The following RARB variants were observed in gnomAD, a reference collection of about 807,000 sequenced individuals.
The protein encoded by RARB is retinoic acid receptor beta.
A neutral mutation model predicts 51.9 loss-of-function variants in RARB; 17 were observed. The ratio of observed to expected loss-of-function variants is 0.33; its 90% confidence interval spans 0.22 to 0.49. The LOEUF (loss-of-function observed/expected upper bound fraction) is 0.49. RARB is among the 20% of genes least tolerant of loss of function. RARB has a pLI of 0.99. For missense variants in RARB, 369 were observed against 550.8 expected (o/e 0.67, Z 3.30); for synonymous variants, 215 against 195.4 (o/e 1.10, Z -0.84).
chr3:25,559,409 A>G (rs1045735675), intron 3 of RARB, among the ~76,000 whole-genome samples: 4 of 152,176 alleles, frequency 2.6e-5, no homozygotes, highest in East Asian at 1.9e-4. Flanking sequence ...TCTCAGTACC[A>G]TCTTACAACC....
At chr3:25,391,972 A>G (rs1706973241) in intron 5 of RARB, among the ~76,000 whole-genome samples, 1 of 152,186 alleles carries the variant, frequency 6.6e-6, no homozygotes, top group African/African-American at 2.4e-5. Context: ...GCCTAAGCCA[A>G]TGTCTAGAAT....
chr3:24,914,692 G>A (rs375549857), intron 2 of RARB, among the ~76,000 whole-genome samples: 2 of 152,060 alleles, frequency 1.3e-5, no homozygotes, highest in Admixed American at 6.5e-5. Flanking sequence ...ACACTGTATT[G>A]TTTATGGAAT....
chr3:25,121,864 G>T (rs1699789728), intron 3 of RARB, among the ~76,000 whole-genome samples: 2 of 152,148 alleles, frequency 1.3e-5, no homozygotes, highest in Admixed American at 6.5e-5. Flanking sequence ...GAGGTTCATT[G>T]AGCTTTTTGG....
At chr3:25,551,549 G>C (rs958826769) in intron 3 of RARB, among the ~76,000 whole-genome samples, 3 of 152,198 alleles carry the variant, frequency 2.0e-5, no homozygotes, top group African/African-American at 7.2e-5. Context: ...AGCAGCTAAA[G>C]AGTCCATTTT....
chr3:24,949,507 T>A (rs1695845057), intron 2 of RARB, among the ~76,000 whole-genome samples: 1 of 152,226 alleles, frequency 6.6e-6, no homozygotes, highest in Non-Finnish European at 1.5e-5. Context: ...GATTTCACAT[T>A]TACGTTTTTA....
At chr3:25,022,434 T>C (rs1198426764) in intron 2 of RARB, among the ~76,000 whole-genome samples, 1 of 152,218 alleles carries the variant, frequency 6.6e-6, no homozygotes, top group Non-Finnish European at 1.5e-5. Flanking sequence ...TTTATATGCA[T>C]ATTTTATCAC....
intron 5 of RARB, among the ~76,000 whole-genome samples, chr3:25,205,841 C>G (rs747736103): frequency 5.9e-5 from 9 of 151,936 alleles, no homozygotes; most frequent in Non-Finnish European, 1.3e-4. Context: ...CTCCTGGGCT[C>G]AAATGATCCT....
chr3:25,233,604 C>A (rs1033430573), intron 5 of RARB, among the ~76,000 whole-genome samples: 1 of 152,054 alleles, frequency 6.6e-6, no homozygotes, highest in African/African-American at 2.4e-5. Flanking sequence ...AACAGACATA[C>A]TTGTCCTGTT....
intron 5 of RARB, among the ~76,000 whole-genome samples, chr3:25,377,744 C>T (rs972416221): frequency 6.6e-6 from 1 of 152,102 alleles, no homozygotes; most frequent in Admixed American, 6.5e-5. Context: ...GTTTGAGTTA[C>T]CCGTGAGAGA....
chr3:25,499,436 G>T (rs890071027), intron 2 of RARB, among the ~76,000 whole-genome samples: 17 of 152,130 alleles, frequency 1.1e-4, no homozygotes, highest in African/African-American at 2.9e-4. Context: ...AAGGCAGCAG[G>T]TATACCCTTC....
intron 2 of RARB, among the ~76,000 whole-genome samples, chr3:24,934,141 T>C (rs1422452622): frequency 6.6e-6 from 1 of 152,164 alleles, no homozygotes; most frequent in Non-Finnish European, 1.5e-5. Flanking sequence ...TTTGTGTTCA[T>C]CATGACTTGT....
At chr3:25,267,600 A>G (rs1313154918) in intron 5 of RARB, among the ~76,000 whole-genome samples, 2 of 152,174 alleles carry the variant, frequency 1.3e-5, no homozygotes, top group African/African-American at 4.8e-5. Context: ...TGGATGCTGG[A>G]ATCCTACAGA....
intron 2 of RARB, among the ~76,000 whole-genome samples, chr3:24,896,262 T>G (rs1703477118): frequency 6.6e-6 from 1 of 151,932 alleles, no homozygotes; most frequent in East Asian, 1.9e-4. Flanking sequence ...GGTGGTGGTG[T>G]TTTGTTTTTT....
intron 5 of RARB, among the ~76,000 whole-genome samples, chr3:25,212,511 G>T (rs9881050): frequency 4.0e-5 from 6 of 151,840 alleles, no homozygotes; most frequent in African/African-American, 7.3e-5. Flanking sequence ...CCAGCTACCC[G>T]GGAGGCTGAG....
chr3:25,176,350 C>T (rs11719856), intron 5 of RARB, among the ~76,000 whole-genome samples: 12,084 of 47,558 alleles, frequency 0.25, 1,456 homozygotes, highest in East Asian at 0.33. Flanking sequence ...TCCTTCCTTC[C>T]TTCCTTCCTT....
chr3:24,879,394 A>G (rs1006861922), intron 2 of RARB, among the ~76,000 whole-genome samples: 4 of 151,428 alleles, frequency 2.6e-5, no homozygotes, highest in Admixed American at 6.6e-5. Flanking sequence ...GCATCACTGC[A>G]TTCCAGCCTG....
At chr3:25,027,017 C>A (rs1327694619) in intron 2 of RARB, among the ~76,000 whole-genome samples, 1 of 151,954 alleles carries the variant, frequency 6.6e-6, no homozygotes, top group Non-Finnish European at 1.5e-5. Context: ...CTTTAAAAGC[C>A]AGCTAGCAAA....
chr3:24,875,141 A>G (rs1273994023), intron 2 of RARB, among the ~76,000 whole-genome samples: 1 of 152,142 alleles, frequency 6.6e-6, no homozygotes, highest in Non-Finnish European at 1.5e-5. Flanking sequence ...AAAGATTTAC[A>G]TACAAGTCCT....
chr3:25,144,630 C>A (rs879539255), intron 4 of RARB, among the ~76,000 whole-genome samples: 1 of 152,186 alleles, frequency 6.6e-6, no homozygotes, highest in Non-Finnish European at 1.5e-5. Flanking sequence ...AGGTGCTTAA[C>A]AAGCTTATTT....
Sources: gnomAD v4.1 joint callset for allele counts (sites outside exome capture counted in the v4.1 genomes callset) on GRCh38, gnomAD v4.1.1 for gene constraint, MANE v1.5 for transcripts, NCBI Gene and HGNC (gene_info 2026-07-23, HGNC 2026-07-21) for gene names.